The following OCA2 variants were observed in gnomAD, a reference collection of about 807,000 sequenced individuals.
The protein encoded by OCA2 is P protein.
A neutral mutation model predicts 100.2 loss-of-function variants in OCA2; 77 were observed. The observed-to-expected ratio is 0.77, with a 90% CI of 0.64 to 0.93. The LOEUF (loss-of-function observed/expected upper bound fraction) is 0.93. Ranked by LOEUF, OCA2 falls within the 40% of genes least tolerant of loss-of-function variation. The pLI is 0.00. For synonymous variants in OCA2, 432 were observed against 439.2 expected, an observed-to-expected ratio of 0.98 and a Z score of 0.21; for missense variants, 1,062 against 1,089.1, an observed-to-expected ratio of 0.98 and a Z score of 0.35.
chr15:27,955,670 G>GT (rs1048192033), intron 16 of OCA2, among the ~76,000 whole-genome samples: 1 of 151,956 alleles, frequency 6.6e-6, no homozygotes, highest in Non-Finnish European at 1.5e-5. Flanking sequence ...CTTTAATGTT[G>GT]TTTTTTATCA....
intron 23 of OCA2, among the ~76,000 whole-genome samples, chr15:27,819,680 G>T (rs1398061467): frequency 1.3e-5 from 2 of 152,024 alleles, no homozygotes; most frequent in Non-Finnish European, 2.9e-5. Context: ...GAAATAGATG[G>T]TTTAATTAGA....
chr15:27,925,084 C>T (rs1031505494), intron 19 of OCA2, among the ~76,000 whole-genome samples: 1 of 152,096 alleles, frequency 6.6e-6, no homozygotes, highest in South Asian at 2.1e-4. Context: ...CCTCAAGATA[C>T]ATGAAGCAAA....
At chr15:27,896,408 G>A (rs1238852274) in intron 19 of OCA2, 4 of 720,578 alleles carry the variant, frequency 5.6e-6, no homozygotes, top group South Asian at 4.2e-5. Context: ...TGGAGGAGAT[G>A]TAAAAGAAAG....
At chr15:28,091,305 T>G (rs1194871295) in intron 1 of OCA2, among the ~76,000 whole-genome samples, 1 of 152,156 alleles carries the variant, frequency 6.6e-6, no homozygotes, top group Non-Finnish European at 1.5e-5. Context: ...GAGGTATACC[T>G]CATCAGTGAG....
intron 14 of OCA2, among the ~76,000 whole-genome samples, chr15:27,972,561 TA>T (rs1456003251): frequency 2.0e-5 from 3 of 152,248 alleles, no homozygotes; most frequent in Non-Finnish European, 4.4e-5. Context: ...CTGGCTGTAA[TA>T]AGGTGATATC....
chr15:27,951,734 C>T (rs756975460), intron 18 of OCA2, 50 bp downstream of exon 18: 2 of 1,306,352 alleles, frequency 1.5e-6, no homozygotes, highest in South Asian at 2.4e-5. Context: ...CTGAAACCTT[C>T]CCATCCAGAA....
intron 22 of OCA2, among the ~76,000 whole-genome samples, chr15:27,846,233 C>T (rs1288652181): frequency 1.3e-5 from 2 of 152,146 alleles, no homozygotes; most frequent in Admixed American, 6.5e-5. Flanking sequence ...GCCAACCCCA[C>T]TCCTTCCCTG....
At chr15:27,737,056 T>C in the OCA2 span, among the ~76,000 whole-genome samples, 5 of 152,176 alleles carry the variant, frequency 3.3e-5, no homozygotes, top group African/African-American at 4.8e-5. Context: ...ATGTCAGCAA[T>C]AATAAATTAG....
chr15:28,039,446 C>T (rs1018469606), intron 2 of OCA2, among the ~76,000 whole-genome samples: 31 of 152,156 alleles, frequency 2.0e-4, no homozygotes, highest in African/African-American at 7.5e-4. Context: ...TACAAAGTAT[C>T]TTTTCCAATC....
At chr15:27,780,188 G>A (rs75791012) in intron 23 of OCA2, among the ~76,000 whole-genome samples, 22 of 152,280 alleles carry the variant, frequency 1.4e-4, no homozygotes, top group African/African-American at 3.1e-4. Flanking sequence ...TGAGAGGGGC[G>A]TAGGTGAACT....
chr15:28,043,185 C>T lies in OCA2; in HGVS notation c.228-11022G>A, dbSNP rs1208737124. ...TTTTAGGATTACTTGGATGTAAGAA[C>T]ATCACCTGTATTTAAGGTCTAATTT... On this transcript the variant is annotated intron_variant, in intron 2 of 23. Transcript: ENST00000354638. The surrounding 1 kb of genome is among the most constrained non-coding windows in gnomAD (Gnocchi z 4.4). 6.6e-6 allele frequency among the ~76,000 whole-genome samples: 1 copy of T among 152,152 alleles called. No individual in the cohort carries two copies. The highest frequency in any genetic ancestry group is 1.9e-4 in the East Asian group (1 of 5,192).
intron 23 of OCA2, among the ~76,000 whole-genome samples, chr15:27,771,038 C>G (rs1164938632): frequency 7.0e-6 from 1 of 142,428 alleles, no homozygotes; most frequent in Non-Finnish European, 1.5e-5. Context: ...CCCTCCCTCC[C>G]TCTTTTCCTT....
the OCA2 span, among the ~76,000 whole-genome samples, chr15:27,729,578 T>C: frequency 1.3e-5 from 2 of 152,172 alleles, no homozygotes; most frequent in South Asian, 2.1e-4. Context: ...TCCTTCCTGT[T>C]TGAATTGCTG....
intron 2 of OCA2, among the ~76,000 whole-genome samples, chr15:28,058,279 G>A (rs1566850029): frequency 6.6e-6 from 1 of 152,228 alleles, no homozygotes; most frequent in Non-Finnish European, 1.5e-5. Flanking sequence ...AAGGACGAAG[G>A]CCAGGAGCTG....
Position 27,755,336 on chromosome 15 carries a change from G to T in OCA2, c.*52C>A, listed in dbSNP as rs1165904377. ...GGTCAGGGTAGTTTTATGACTAATG[G>T]GTTGTGATGGATGAAGTTTCCTTTA... On this transcript the variant is annotated 3_prime_UTR_variant, in exon 24 of 24. Coordinates refer to ENST00000354638, the MANE Select transcript of OCA2 (RefSeq NM_000275.3). The T allele has an allele frequency of 4.4e-6, 6 of 1,360,780 alleles. No individual in the cohort carries two copies. Among genetic ancestry groups the T allele is most frequent in the Non-Finnish European group, 5.3e-6 (5 of 949,728 alleles). The allele number at this position is 1,360,780 out of a possible 1,614,324, so 84.3% of individuals were successfully genotyped here. A position where few individuals can be genotyped will look rare whatever the true frequency, so the allele number is the denominator to read the frequency against.
At chr15:27,945,660 A>G (rs2039807695) in intron 18 of OCA2, among the ~76,000 whole-genome samples, 2 of 152,228 alleles carry the variant, frequency 1.3e-5, no homozygotes. Context: ...CACAAAGACA[A>G]CAATAAAATT....
intron 9 of OCA2, among the ~76,000 whole-genome samples, chr15:27,995,564 T>TTTC (rs952651946): frequency 1.1e-4 from 17 of 151,220 alleles, no homozygotes; most frequent in Non-Finnish European, 1.8e-4. Flanking sequence ...AGCTAATTTT[T>TTTC]TTTTTTCAGA....
At chr15:27,747,863 CCA>C in the OCA2 span, among the ~76,000 whole-genome samples, 1 of 152,106 alleles carries the variant, frequency 6.6e-6, no homozygotes, top group African/African-American at 2.4e-5. Context: ...CTGTTGCTCC[CCA>C]CTCAGTACAA....
At chr15:27,981,577 C>T (rs1479421088) in intron 14 of OCA2, among the ~76,000 whole-genome samples, 1 of 152,222 alleles carries the variant, frequency 6.6e-6, no homozygotes, top group Non-Finnish European at 1.5e-5. Flanking sequence ...ATAACTGAGG[C>T]AAGACACTTG....
Sources: allele counts gnomAD v4.1 joint callset (sites outside exome capture counted in the v4.1 genomes callset), GRCh38; gene constraint gnomAD v4.1.1; non-coding constraint Gnocchi (gnomAD v3.1); transcripts MANE v1.5; gene names NCBI Gene and HGNC (gene_info 2026-07-23, HGNC 2026-07-21).